CCNY: variants seen among roughly 807,000 people sequenced by gnomAD.
CCNY encodes cyclin Y, also known as cyclin-Y.
In CCNY, 19 loss-of-function variants were observed where a neutral mutation model predicts 42.8. The observed-to-expected ratio is 0.44, with a 90% CI of 0.31 to 0.65. The LOEUF (loss-of-function observed/expected upper bound fraction) is 0.65, where lower values mean the gene tolerates loss of function less well. Among genes scored for constraint, CCNY ranks in the 30% least tolerant of loss-of-function variants. The pLI, the probability that CCNY is intolerant of heterozygous loss-of-function variation, is 0.07. For missense variants in CCNY, 370 were observed against 437.3 expected, an observed-to-expected ratio of 0.85 and a Z score of 1.37; for synonymous variants, 165 against 162.7, an observed-to-expected ratio of 1.01 and a Z score of -0.11.
intron 1 of CCNY, among the ~76,000 whole-genome samples, chr10:35,409,697 A>G (rs1312674051): frequency 6.6e-6 from 1 of 152,236 alleles, no homozygotes; most frequent in East Asian, 1.9e-4. Flanking sequence ...CGTTAAAACA[A>G]AAATAAGTAA....
intron 1 of CCNY, among the ~76,000 whole-genome samples, chr10:35,402,599 T>C (rs573593978): frequency 5.3e-5 from 8 of 152,294 alleles, no homozygotes; most frequent in African/African-American, 1.9e-4. Flanking sequence ...CAGCAATTGT[T>C]TGTTAAAGAA....
chr10:35,390,724 G>A (rs1837396509), intron 1 of CCNY, among the ~76,000 whole-genome samples: 1 of 152,172 alleles, frequency 6.6e-6, no homozygotes, highest in South Asian at 2.1e-4. Context: ...TGCCAAAGAT[G>A]CCTTTGTACT....
At chr10:35,315,999 G>C (rs1036923279) in intron 3 of CCNY, among the ~76,000 whole-genome samples, 15 of 152,000 alleles carry the variant, frequency 9.9e-5, no homozygotes, top group Admixed American at 9.8e-4. Context: ...TCCCATATAA[G>C]TGTAATTGTC....
intron 1 of CCNY, among the ~76,000 whole-genome samples, chr10:35,405,057 C>T (rs754482964): frequency 1.3e-5 from 2 of 152,090 alleles, no homozygotes; most frequent in African/African-American, 2.4e-5. Flanking sequence ...GAGTATATGA[C>T]TTTGGCACCA....
chr10:35,478,575 T>G (rs926336054), intron 1 of CCNY, among the ~76,000 whole-genome samples: 3 of 152,204 alleles, frequency 2.0e-5, no homozygotes, highest in Admixed American at 6.5e-5. Context: ...CTGGGAAAAC[T>G]GGCTAGCCAT....
At chr10:35,353,481 A>G (rs144484645) in intron 1 of CCNY, among the ~76,000 whole-genome samples, 1 of 152,346 alleles carries the variant, frequency 6.6e-6, no homozygotes, top group East Asian at 1.9e-4. Flanking sequence ...TTTGTTGAGT[A>G]TGAGAAGAAG....
chr10:35,409,189 GC>G (rs35393346), intron 1 of CCNY, among the ~76,000 whole-genome samples: 42,236 of 152,016 alleles, frequency 0.28, 6,147 homozygotes, highest in East Asian at 0.34. Flanking sequence ...GTACAGTGTG[GC>G]CAGCTGCCTT....
At chr10:35,471,204 T>C (rs1450254809) in intron 1 of CCNY, among the ~76,000 whole-genome samples, 1 of 152,036 alleles carries the variant, frequency 6.6e-6, no homozygotes. Flanking sequence ...AGATGATTTA[T>C]TGGAGTGATT....
chr10:35,361,558 G>T (rs1468371297), intron 1 of CCNY, among the ~76,000 whole-genome samples: 1 of 152,158 alleles, frequency 6.6e-6, no homozygotes, highest in Non-Finnish European at 1.5e-5. Flanking sequence ...TGAGACAAAG[G>T]AATGAAACTT....
intron 3 of CCNY, among the ~76,000 whole-genome samples, chr10:35,296,903 T>C (rs1835477477): frequency 6.6e-6 from 1 of 152,142 alleles, no homozygotes; most frequent in East Asian, 1.9e-4. Flanking sequence ...GCATTCCTAC[T>C]GAAACTATTC....
chr10:35,410,028 C>T (rs879329737), intron 1 of CCNY, among the ~76,000 whole-genome samples: 7 of 152,264 alleles, frequency 4.6e-5, no homozygotes, highest in South Asian at 4.1e-4. Context: ...TAAGCATGAG[C>T]CCCTGCACCA....
chr10:35,531,412 T>TCGAA (rs1840768401), intron 7 of CCNY, among the ~76,000 whole-genome samples: 2 of 152,250 alleles, frequency 1.3e-5, no homozygotes, highest in African/African-American at 4.8e-5. Context: ...ATCTGTTTGT[T>TCGAA]CATTCCTTCT....
intron 5 of CCNY, among the ~76,000 whole-genome samples, chr10:35,526,516 T>C (rs1840655776): frequency 6.6e-6 from 1 of 152,216 alleles, no homozygotes. Flanking sequence ...CCTTATACAT[T>C]TTATTTCAAC....
intron 3 of CCNY, among the ~76,000 whole-genome samples, chr10:35,267,005 C>T (rs1188340478): frequency 2.0e-5 from 3 of 150,432 alleles, no homozygotes; most frequent in African/African-American, 7.3e-5. Flanking sequence ...TCGCTTGTAC[C>T]TGGGAGGCGG....
chr10:35,495,042 G>A (rs879663054), intron 2 of CCNY, among the ~76,000 whole-genome samples: 11 of 152,108 alleles, frequency 7.2e-5, no homozygotes, highest in Non-Finnish European at 1.3e-4. Context: ...CACATTTTTG[G>A]ATTTGGGATG....
chr10:35,295,227 A>C (rs1282923954), intron 3 of CCNY, among the ~76,000 whole-genome samples: 2 of 133,676 alleles, frequency 1.5e-5, no homozygotes, highest in East Asian at 2.1e-4. Flanking sequence ...ATCCCCTATA[A>C]TACTTTTTTT....
intron 1 of CCNY, among the ~76,000 whole-genome samples, chr10:35,404,512 C>T (rs1837714719): frequency 6.6e-6 from 1 of 151,996 alleles, no homozygotes; most frequent in Non-Finnish European, 1.5e-5. Flanking sequence ...CGTCAATACC[C>T]ACAACAGTTA....
intron 1 of CCNY, among the ~76,000 whole-genome samples, chr10:35,362,963 G>A (rs929246426): frequency 6.6e-6 from 1 of 151,628 alleles, no homozygotes; most frequent in Non-Finnish European, 1.5e-5. Flanking sequence ...GTACAGAGGC[G>A]CTCCTCACTT....
At chr10:35,423,414 T>C (rs1405720922) in intron 1 of CCNY, among the ~76,000 whole-genome samples, 3 of 149,998 alleles carry the variant, frequency 2.0e-5, no homozygotes, top group African/African-American at 5.0e-5. Flanking sequence ...AGGTTGAGGC[T>C]ACAGTGAATC....
Sources: allele counts gnomAD v4.1 joint callset (sites outside exome capture counted in the v4.1 genomes callset), GRCh38; gene constraint gnomAD v4.1.1; transcripts MANE v1.5; gene names NCBI Gene and HGNC (gene_info 2026-07-23, HGNC 2026-07-21).